The following HERC4 variants were observed in gnomAD, a reference collection of about 807,000 sequenced individuals.
HERC4 encodes the protein HECT and RLD domain containing E3 ubiquitin protein ligase 4.
In HERC4, 28 loss-of-function variants were observed where a neutral mutation model predicts 124.3. The observed-to-expected ratio is 0.23, with a 90% CI of 0.17 to 0.31. The LOEUF (loss-of-function observed/expected upper bound fraction) is 0.31, where lower values mean the gene tolerates loss of function less well. HERC4 is among the 10% of genes least tolerant of loss of function. HERC4 has a pLI of 1.00. For synonymous variants in HERC4, 407 were observed against 421.5 expected (o/e 0.97, Z 0.42); for missense variants, 713 against 1,229.3 (o/e 0.58, Z 6.28).
rs375700847 is a variant in HERC4 at position 68,002,599 on chromosome 10, CT to C, written c.1070-9918del. Among the ~76,000 whole-genome samples, 325 of 132,574 alleles carry C rather than the reference CT, an allele frequency of 2.5e-3. 2 individuals are homozygous for C. The highest frequency in any genetic ancestry group is 6.9e-3 in the African/African-American group (252 of 36,732). 87.0% of individuals were successfully genotyped at this position (132,574 alleles called of 152,430 possible). A position where few individuals can be genotyped will look rare whatever the true frequency, so the allele number is the denominator to read the frequency against. On this transcript the variant is annotated intron_variant, in intron 9 of 24. Coordinates refer to ENST00000373700, the MANE Select transcript of HERC4 (RefSeq NM_015601.4). ...AAATGTTTAATTTTTTAAATTTTTA[CT>C]TTTTTTTTTTTTTTTTGAGATGGAT...
At chr10:68,036,236 T>C (rs2039459739) in intron 5 of HERC4, among the ~76,000 whole-genome samples, 2 of 150,394 alleles carry the variant, frequency 1.3e-5, no homozygotes, top group Non-Finnish European at 2.9e-5. Context: ...GAGAATGGCG[T>C]GAACCCAGGA....
At chr10:68,062,561 G>C (rs958337410) in intron 3 of HERC4, among the ~76,000 whole-genome samples, 3 of 151,834 alleles carry the variant, frequency 2.0e-5, no homozygotes, top group African/African-American at 7.3e-5. Context: ...AGACCAGTAT[G>C]GTCAACACAG....
intron 19 of HERC4, among the ~76,000 whole-genome samples, chr10:67,944,537 T>C (rs2033173092): frequency 6.6e-6 from 1 of 152,186 alleles, no homozygotes; most frequent in South Asian, 2.1e-4. Context: ...AACTCTTCAG[T>C]GCCCAGACAC....
At chr10:67,970,679 A>C (rs541261803) in intron 15 of HERC4, among the ~76,000 whole-genome samples, 1 of 152,188 alleles carries the variant, frequency 6.6e-6, no homozygotes, top group South Asian at 2.1e-4. Context: ...GAGAAGACCC[A>C]AATGTTGGAG....
intron 16 of HERC4, 59 bp downstream of exon 16, chr10:67,966,620 GTTTC>G: frequency 1.3e-6 from 2 of 1,490,686 alleles, no homozygotes; most frequent in South Asian, 1.3e-5. Context: ...CCAAGCAATT[GTTTC>G]TTTTTTTATT....
chr10:67,931,938 T>G (rs1359117634), intron 23 of HERC4, among the ~76,000 whole-genome samples: 2 of 152,124 alleles, frequency 1.3e-5, no homozygotes, highest in Admixed American at 6.5e-5. Context: ...TTTTTAAAAT[T>G]ATTTTTATCT....
intron 3 of HERC4, among the ~76,000 whole-genome samples, chr10:68,064,306 C>A (rs919971062): frequency 6.6e-6 from 1 of 151,932 alleles, no homozygotes; most frequent in Admixed American, 6.6e-5. Flanking sequence ...GTAATCCCAG[C>A]AATTTGGGAT....
intron 17 of HERC4, chr10:67,955,394 G>C: frequency 3.8e-6 from 1 of 262,936 alleles, no homozygotes; most frequent in Admixed American, 5.6e-5. Flanking sequence ...TAGTAATACT[G>C]ATAAATCTGA....
At chr10:67,962,616 G>A (rs924917571) in intron 16 of HERC4, among the ~76,000 whole-genome samples, 29 of 151,972 alleles carry the variant, frequency 1.9e-4, no homozygotes, top group Middle Eastern at 3.2e-3. Context: ...GCACCAAAGG[G>A]AAAACCAGAT....
chr10:68,048,686 T>C (rs1257741677), intron 3 of HERC4, among the ~76,000 whole-genome samples: 1 of 152,198 alleles, frequency 6.6e-6, no homozygotes, highest in Non-Finnish European at 1.5e-5. Flanking sequence ...TGTAGATTTG[T>C]TGATTTTAAC....
chr10:67,933,453 T>A (rs2032038267), intron 22 of HERC4, among the ~76,000 whole-genome samples: 1 of 152,178 alleles, frequency 6.6e-6, no homozygotes, highest in African/African-American at 2.4e-5. Flanking sequence ...TCTTATTCAA[T>A]CTGTTTTGTT....
chr10:67,944,214 G>A (rs1468522531), intron 19 of HERC4, among the ~76,000 whole-genome samples: 1 of 152,222 alleles, frequency 6.6e-6, no homozygotes, highest in Non-Finnish European at 1.5e-5. Flanking sequence ...AAAGGTGCTG[G>A]CTGGTGTCAC....
intron 3 of HERC4, among the ~76,000 whole-genome samples, chr10:68,050,432 T>C (rs967182764): frequency 5.3e-5 from 8 of 152,140 alleles, no homozygotes; most frequent in Admixed American, 1.3e-4. Flanking sequence ...AAAACCATTG[T>C]TTTCATTTTA....
At chr10:67,929,808 C>A (rs1036448465) in intron 23 of HERC4, among the ~76,000 whole-genome samples, 3 of 145,444 alleles carry the variant, frequency 2.1e-5, no homozygotes, top group Non-Finnish European at 4.4e-5. Flanking sequence ...AGACACCACA[C>A]CCAGCTGTGC....
chr10:67,997,048 T>C (rs1002413238), intron 9 of HERC4, among the ~76,000 whole-genome samples: 3 of 151,626 alleles, frequency 2.0e-5, no homozygotes, highest in South Asian at 4.1e-4. Flanking sequence ...GAGATAGAAA[T>C]ACTGAACTCA....
At chr10:68,039,502 A>T (rs1356174237) in intron 4 of HERC4, 2 of 1,550,500 alleles carry the variant, frequency 1.3e-6, no homozygotes, top group Admixed American at 3.9e-5. Flanking sequence ...CAGCAAATCA[A>T]AGTTTGAGCA....
chr10:68,019,265 A>C (rs1442600482), intron 8 of HERC4, among the ~76,000 whole-genome samples: 2 of 151,928 alleles, frequency 1.3e-5, no homozygotes, highest in African/African-American at 2.4e-5. Context: ...CAAAGTGCTG[A>C]GATTACAGGC....
At chr10:68,015,428 G>A (rs760721646) in intron 8 of HERC4, among the ~76,000 whole-genome samples, 1 of 152,172 alleles carries the variant, frequency 6.6e-6, no homozygotes, top group Non-Finnish European at 1.5e-5. Context: ...CTAGGTTTTG[G>A]AGTCGTTCTG....
intron 7 of HERC4, among the ~76,000 whole-genome samples, chr10:68,027,242 A>T (rs992605664): frequency 2.0e-5 from 3 of 152,196 alleles, no homozygotes; most frequent in Non-Finnish European, 4.4e-5. Flanking sequence ...TATCACAGAA[A>T]ATTTCAAGCA....
Sources: gnomAD v4.1 joint callset for allele counts (sites outside exome capture counted in the v4.1 genomes callset) on GRCh38, gnomAD v4.1.1 for gene constraint, MANE v1.5 for transcripts, NCBI Gene and HGNC (gene_info 2026-07-23, HGNC 2026-07-21) for gene names.